KCNQ3: variants seen among roughly 807,000 people sequenced by gnomAD.
KCNQ3 encodes potassium voltage-gated channel subfamily Q member 3.
A neutral mutation model predicts 92.5 loss-of-function variants in KCNQ3; 30 were observed. That is an observed-to-expected ratio of 0.32 (90% CI 0.24 to 0.44). KCNQ3 has a LOEUF of 0.44. Among genes scored for constraint, KCNQ3 ranks in the 20% least tolerant of loss-of-function variants. KCNQ3 has a pLI of 1.00. For synonymous variants in KCNQ3, 450 were observed against 468.8 expected, an observed-to-expected ratio of 0.96 and a Z score of 0.52; for missense variants, 913 against 1,140.3, an observed-to-expected ratio of 0.80 and a Z score of 2.87.
chr8:132,331,281 A>G (rs1290333170), intron 1 of KCNQ3, among the ~76,000 whole-genome samples: 1 of 152,128 alleles, frequency 6.6e-6, no homozygotes, highest in Admixed American at 6.5e-5. Flanking sequence ...CTGAGATTCA[A>G]CCTCAGGCTC....
chr8:132,473,843 T>C (rs1052794797), intron 1 of KCNQ3, among the ~76,000 whole-genome samples: 4 of 152,190 alleles, frequency 2.6e-5, no homozygotes, highest in East Asian at 1.9e-4. Context: ...CTGAAGACAA[T>C]AGATCTTCTT....
chr8:132,278,049 T>C (rs1816395365), intron 1 of KCNQ3: 2 of 985,252 alleles, frequency 2.0e-6, no homozygotes, highest in Non-Finnish European at 2.4e-6. Flanking sequence ...TTCAAACAAG[T>C]CAGGAGGACA....
chr8:132,183,448 C>T (rs949029193), intron 3 of KCNQ3, among the ~76,000 whole-genome samples: 7 of 152,142 alleles, frequency 4.6e-5, no homozygotes, highest in African/African-American at 1.7e-4. Flanking sequence ...CGATGGCAAG[C>T]TGGACTAAAT....
chr8:132,385,675 G>C (rs11994627), intron 1 of KCNQ3, among the ~76,000 whole-genome samples: 10,173 of 152,214 alleles, frequency 0.067, 383 homozygotes, highest in South Asian at 0.15. Context: ...TCACCTTGAA[G>C]AGCAGAATTC....
At chr8:132,463,710 C>T (rs997384271) in intron 1 of KCNQ3, among the ~76,000 whole-genome samples, 47 of 152,206 alleles carry the variant, frequency 3.1e-4, no homozygotes, top group Non-Finnish European at 5.7e-4. Context: ...TTTATCAAAA[C>T]GGCACATCAG....
rs1003860988 is a variant in KCNQ3, at chr8:132,137,891, T to C, written c.1694A>G (p.Gln565Arg). 7 of 1,614,126 alleles carry C rather than the reference T, an allele frequency of 4.3e-6. No homozygotes were observed. The highest frequency in any genetic ancestry group is 5.9e-6 in the Non-Finnish European group (7 of 1,179,994). The change falls in exon 12 of 15, where the codon CAG (glutamine) becomes CGG (arginine). Residue 565 changes from glutamine (Q) to arginine (R), a missense_variant. This residue lies in a region of KCNQ3 where 182 missense variants were observed against 234.5 expected (regional missense o/e 0.78). Transcript: ENST00000388996. Reference sequence around the variant, plus strand: ...CCAGATGTGACTGTCTCACCTCGTCTGAAGGTACTTTATCCTGGAAAGCAT... The same window carrying C: ...CCAGATGTGACTGTCTCACCTCGTCCGAAGGTACTTTATCCTGGAAAGCAT... ...LDMLSRIKYL[Q>R]TRIDMIFTPG...
chr8:132,284,183 T>C (rs750989239), intron 1 of KCNQ3, among the ~76,000 whole-genome samples: 5 of 151,426 alleles, frequency 3.3e-5, no homozygotes, highest in Non-Finnish European at 1.5e-5. Flanking sequence ...TAAAGTATAA[T>C]AAAAAAAAAT....
chr8:132,460,962 G>T (rs1022565995), intron 1 of KCNQ3, among the ~76,000 whole-genome samples: 8 of 152,080 alleles, frequency 5.3e-5, no homozygotes, highest in African/African-American at 1.9e-4. Context: ...TCTCTACAAT[G>T]TCATATAATT....
intron 1 of KCNQ3, among the ~76,000 whole-genome samples, chr8:132,445,255 C>G (rs1462301831): frequency 1.3e-5 from 2 of 152,120 alleles, no homozygotes; most frequent in Non-Finnish European, 2.9e-5. Context: ...AAGAGCTGGC[C>G]TTTCAGAAAG....
chr8:132,325,163 G>A (rs60069222), intron 1 of KCNQ3, among the ~76,000 whole-genome samples: 10,169 of 151,966 alleles, frequency 0.067, 382 homozygotes, highest in East Asian at 0.099. Context: ...GGGTCCTGGC[G>A]GTGTGGATGG....
At chr8:132,296,658 T>G (rs1013963666) in intron 1 of KCNQ3, among the ~76,000 whole-genome samples, 1 of 152,096 alleles carries the variant, frequency 6.6e-6, no homozygotes, top group African/African-American at 2.4e-5. Context: ...TTTGTCCTTG[T>G]GATAGTTTGC....
chr8:132,421,448 T>C (rs1166663740), intron 1 of KCNQ3, among the ~76,000 whole-genome samples: 1 of 152,052 alleles, frequency 6.6e-6, no homozygotes, highest in African/African-American at 2.4e-5. Context: ...CAGGAAACAT[T>C]TTTAAAAGTT....
chr8:132,232,301 G>A lies in KCNQ3; in HGVS notation c.387-46120C>T, dbSNP rs1202976863. ...GGCAGACTCCAATTAAGTAGGTCTAGAGGGAGGTGCCTGATAAGCTCCCAA... is the reference window on the plus strand; with the variant it reads ...GGCAGACTCCAATTAAGTAGGTCTAAAGGGAGGTGCCTGATAAGCTCCCAA... On this transcript the variant is annotated intron_variant, in intron 1 of 14. Transcript: ENST00000388996. 2.6e-5 allele frequency among the ~76,000 whole-genome samples: 4 copies of A among 152,230 alleles called. No individual in the cohort carries two copies. The East Asian group carries it at 7.7e-4, about 29-fold the overall frequency.
chr8:132,373,066 A>G (rs756160680), intron 1 of KCNQ3, among the ~76,000 whole-genome samples: 2 of 151,926 alleles, frequency 1.3e-5, no homozygotes, highest in Non-Finnish European at 2.9e-5. Context: ...TCGCTAATGG[A>G]CCACCAGGCT....
chr8:132,250,111 A>C (rs1232896212), intron 1 of KCNQ3, among the ~76,000 whole-genome samples: 1 of 152,186 alleles, frequency 6.6e-6, no homozygotes, highest in African/African-American at 2.4e-5. Flanking sequence ...CCCACAGTGC[A>C]GTGGCAGGCT....
At chr8:132,441,381 T>A (rs1821530404) in intron 1 of KCNQ3, among the ~76,000 whole-genome samples, 1 of 152,102 alleles carries the variant, frequency 6.6e-6, no homozygotes, top group African/African-American at 2.4e-5. Context: ...AAACCCCATC[T>A]CTATTAAAAA....
intron 1 of KCNQ3, among the ~76,000 whole-genome samples, chr8:132,309,322 A>C (rs1429994574): frequency 6.6e-6 from 1 of 152,190 alleles, no homozygotes; most frequent in Non-Finnish European, 1.5e-5. Context: ...CACTATTATT[A>C]TCTCCTGCTG....
chr8:132,452,146 A>C (rs55808349), intron 1 of KCNQ3, among the ~76,000 whole-genome samples: 2,923 of 152,248 alleles, frequency 0.019, 33 homozygotes, highest in Non-Finnish European at 0.028. Context: ...AGTGGCATTA[A>C]CCACATTCGC....
chr8:132,200,375 A>T (rs1434494197), intron 1 of KCNQ3, among the ~76,000 whole-genome samples: 2 of 151,198 alleles, frequency 1.3e-5, no homozygotes, highest in Non-Finnish European at 2.9e-5. Flanking sequence ...GTTGCAATAG[A>T]GATGGTCTGG....
Sources: allele counts gnomAD v4.1 joint callset (sites outside exome capture counted in the v4.1 genomes callset), GRCh38; gene constraint gnomAD v4.1.1; regional missense constraint gnomAD v4.1.1; transcripts MANE v1.5; gene names NCBI Gene and HGNC (gene_info 2026-07-23, HGNC 2026-07-21).